The following RORA variants were observed in gnomAD, a reference collection of about 807,000 sequenced individuals.
The protein encoded by RORA is nuclear receptor ROR-alpha.
RORA carries 7 observed loss-of-function variants against 69.5 expected under a neutral mutation model. The ratio of observed to expected loss-of-function variants is 0.10; its 90% CI spans 0.06 to 0.19. The LOEUF is 0.19. Ranked by LOEUF, RORA falls within the 10% of genes least tolerant of loss-of-function variation. The pLI is 1.00. For synonymous variants in RORA, 261 were observed against 240.8 expected (o/e 1.08, Z -0.78); for missense variants, 457 against 663.0 (o/e 0.69, Z 3.41).
chr15:60,599,967 G>A (rs980273520), intron 2 of RORA, among the ~76,000 whole-genome samples: 14 of 152,274 alleles, frequency 9.2e-5, no homozygotes, highest in Admixed American at 4.6e-4. Flanking sequence ...AACTGGAAAT[G>A]GATGTTATTT....
At chr15:60,961,117 G>C (rs1331228571) in intron 1 of RORA, among the ~76,000 whole-genome samples, 2 of 152,130 alleles carry the variant, frequency 1.3e-5, no homozygotes, top group Non-Finnish European at 2.9e-5. Context: ...GACATTCTTA[G>C]ATCTCTCTGG....
intron 1 of RORA, among the ~76,000 whole-genome samples, chr15:60,958,508 G>A (rs921492146): frequency 5.9e-5 from 9 of 152,104 alleles, no homozygotes; most frequent in African/African-American, 1.9e-4. Context: ...ATTGCCTAGC[G>A]TAGATGCTCA....
At chr15:61,005,964 GT>G (rs1566940847) in intron 1 of RORA, among the ~76,000 whole-genome samples, 1 of 111,756 alleles carries the variant, frequency 8.9e-6, no homozygotes, top group East Asian at 3.7e-4. Context: ...TGTTTGTTTT[GT>G]TTTGTTTTGT....
At chr15:60,733,948 G>GAGAA (rs1490527318) in intron 1 of RORA, among the ~76,000 whole-genome samples, 3 of 150,334 alleles carry the variant, frequency 2.0e-5, no homozygotes, top group Admixed American at 6.6e-5. Flanking sequence ...GAGAGAGAGA[G>GAGAA]AGAGAGAAAG....
At chr15:60,996,275 T>G (rs1395561403) in intron 1 of RORA, among the ~76,000 whole-genome samples, 5 of 152,094 alleles carry the variant, frequency 3.3e-5, no homozygotes, top group Admixed American at 3.3e-4. Flanking sequence ...TTGCACCATG[T>G]TGGCCAGGCT....
intron 1 of RORA, among the ~76,000 whole-genome samples, chr15:60,884,826 A>G (rs2073733556): frequency 6.6e-6 from 1 of 152,188 alleles, no homozygotes. Context: ...AGATGAAAAC[A>G]GCCCCCAAAA....
At chr15:60,535,871 C>G (rs2066660536) in intron 2 of RORA, among the ~76,000 whole-genome samples, 1 of 152,180 alleles carries the variant, frequency 6.6e-6, no homozygotes, top group African/African-American at 2.4e-5. Context: ...GCATCACTTA[C>G]TTAATTGTTA....
chr15:61,058,014 C>T (rs1158818878), intron 1 of RORA, among the ~76,000 whole-genome samples: 1 of 152,180 alleles, frequency 6.6e-6, no homozygotes, highest in African/African-American at 2.4e-5. Context: ...TTGCTGCTGA[C>T]TGAGTAGGAT....
chr15:60,838,333 G>A (rs1486331612), intron 1 of RORA, among the ~76,000 whole-genome samples: 1 of 152,180 alleles, frequency 6.6e-6, no homozygotes, highest in African/African-American at 2.4e-5. Context: ...CCAAACATCT[G>A]GAACAGAAAG....
chr15:60,884,499 A>G (rs939367507), intron 1 of RORA, among the ~76,000 whole-genome samples: 1 of 152,210 alleles, frequency 6.6e-6, no homozygotes, highest in African/African-American at 2.4e-5. Flanking sequence ...GTGACTGAAG[A>G]AACAAACAAA....
At chr15:60,782,794 A>G (rs1415488025) in intron 1 of RORA, among the ~76,000 whole-genome samples, 1 of 152,252 alleles carries the variant, frequency 6.6e-6, no homozygotes, top group African/African-American at 2.4e-5. Flanking sequence ...CAACTTTGAA[A>G]AGGTAACATT....
At chr15:60,860,387 C>T (rs532915998) in intron 1 of RORA, among the ~76,000 whole-genome samples, 2 of 152,310 alleles carry the variant, frequency 1.3e-5, no homozygotes, top group Admixed American at 6.5e-5. Flanking sequence ...TTGACACCTT[C>T]GAGATTGTGC....
chr15:60,896,876 C>T (rs1275474191), intron 1 of RORA, among the ~76,000 whole-genome samples: 1 of 151,968 alleles, frequency 6.6e-6, no homozygotes, highest in Admixed American at 6.6e-5. Context: ...TCAGCTCTAT[C>T]ACTTTATCTA....
At chr15:60,852,014 G>A (rs542049099) in intron 1 of RORA, among the ~76,000 whole-genome samples, 1 of 152,316 alleles carries the variant, frequency 6.6e-6, no homozygotes, top group African/African-American at 2.4e-5. Flanking sequence ...TACTGAGCGA[G>A]CTGGGGAACA....
At chr15:60,739,584 T>C (rs1166357583) in intron 1 of RORA, among the ~76,000 whole-genome samples, 4 of 150,546 alleles carry the variant, frequency 2.7e-5, no homozygotes, top group African/African-American at 9.7e-5. Context: ...AAAAAAAAAG[T>C]TTTTTTTAAA....
Position 61,128,231 on chromosome 15 carries a change from G to A in RORA, c.166+100822C>T, listed in dbSNP as rs1035744174. 3.9e-5 allele frequency among the ~76,000 whole-genome samples: 6 copies of A among 152,080 alleles called. No individual in the cohort carries two copies. Among genetic ancestry groups the A allele is most frequent in the Admixed American group, 3.3e-4 (5 of 15,260 alleles). On this transcript the variant is annotated intron_variant, in intron 1 of 10. Transcript: ENST00000335670. The surrounding 1 kb of genome is among the most constrained non-coding windows in gnomAD (Gnocchi z 4.5). Reference sequence around the variant, plus strand: ...TGTGTGTGTGTGTGTGTGTCTGTGTGTGAGTGTGTTTCTGCAAGGGTATAC... The same window carrying A: ...TGTGTGTGTGTGTGTGTGTCTGTGTATGAGTGTGTTTCTGCAAGGGTATAC...
intron 1 of RORA, among the ~76,000 whole-genome samples, chr15:61,104,068 G>A (rs2078918253): frequency 1.3e-5 from 2 of 152,184 alleles, no homozygotes; most frequent in African/African-American, 2.4e-5. Context: ...TGCATTTGGG[G>A]AGGTGGGAAA....
rs920944655 is a variant in RORA at position 60,694,324 on chromosome 15, C to T, written c.167-15638G>A. On this transcript the variant is annotated intron_variant, in intron 1 of 10. Coordinates refer to ENST00000335670, the MANE Select transcript of RORA (RefSeq NM_134261.3). ...CTGGCCCAGTGATTTAAATGCTCCT[C>T]CCATGCCCACATCAAAAGTCAAAGG... 3.3e-5 allele frequency among the ~76,000 whole-genome samples: 5 copies of T among 152,258 alleles called. No homozygotes were observed. The East Asian group carries it at 7.7e-4, about 24-fold the overall frequency.
chr15:60,852,336 C>G (rs1416456720), intron 1 of RORA, among the ~76,000 whole-genome samples: 1 of 152,202 alleles, frequency 6.6e-6, no homozygotes, highest in African/African-American at 2.4e-5. Context: ...GGGTTGGCAT[C>G]CTGCCTTGGT....
Sources: gnomAD v4.1 joint callset for allele counts (sites outside exome capture counted in the v4.1 genomes callset) on GRCh38, gnomAD v4.1.1 for gene constraint, Gnocchi (gnomAD v3.1) non-coding constraint, MANE v1.5 for transcripts, NCBI Gene and HGNC (gene_info 2026-07-23, HGNC 2026-07-21) for gene names.